Variants in BEND4 observed in about 807,000 individuals in gnomAD.
The protein encoded by BEND4 is BEN domain containing 4.
BEND4 carries 27 observed loss-of-function variants against 54.7 expected under a neutral mutation model. The observed-to-expected ratio is 0.49, with a 90% CI of 0.36 to 0.68. The LOEUF is 0.68. Among genes scored for constraint, BEND4 ranks in the 30% least tolerant of loss-of-function variants. BEND4 has a pLI of 0.00. For synonymous variants in BEND4, 327 were observed against 299.5 expected (o/e 1.09, Z -0.95); for missense variants, 702 against 697.2 (o/e 1.01, Z -0.08).
intron 2 of BEND4, among the ~76,000 whole-genome samples, chr4:42,149,919 G>A (rs1287535210): frequency 6.6e-6 from 1 of 152,132 alleles, no homozygotes; most frequent in Non-Finnish European, 1.5e-5. Flanking sequence ...GTAAAATATG[G>A]AAAGACAATC....
At chr4:42,142,153 C>CT (rs1172489141) in intron 3 of BEND4, among the ~76,000 whole-genome samples, 1 of 151,576 alleles carries the variant, frequency 6.6e-6, no homozygotes, top group African/African-American at 2.4e-5. Flanking sequence ...GATCCGCCCC[C>CT]CCTCGGCCTC....
chr4:42,142,751 G>A (rs563495803), intron 3 of BEND4, among the ~76,000 whole-genome samples: 2 of 151,286 alleles, frequency 1.3e-5, no homozygotes, highest in African/African-American at 4.8e-5. Flanking sequence ...TGAAAATCTA[G>A]TGTCTCTAAC....
rs1223361999 is a variant in BEND4 at position 42,143,444 on chromosome 4, T to C, written c.1038A>G (p.Lys346=). Residue 346 remains lysine (K), a synonymous_variant, in exon 3 of 6, where the codon AAA becomes AAG. Transcript: ENST00000502486. ...LQQENEELRR[K]LESIPVPCQT... ...GCAGGATACCTGGGATGCTCTCTAA[T>C]TTCCTTCTGAGCTCTTCATTTTCTT... 1.5e-5 allele frequency: 24 copies of C among 1,551,972 alleles called. No homozygotes were observed. Among genetic ancestry groups the C allele is most frequent in the Non-Finnish European group, 2.0e-5 (23 of 1,147,006 alleles).
chr4:42,129,426 T>C (rs1720421337), intron 3 of BEND4, among the ~76,000 whole-genome samples: 1 of 152,190 alleles, frequency 6.6e-6, no homozygotes, highest in Non-Finnish European at 1.5e-5. Flanking sequence ...AAAAAACTAC[T>C]TTCAAATTCT....
chr4:42,126,691 G>A (rs1350337852), intron 3 of BEND4, among the ~76,000 whole-genome samples: 1 of 152,146 alleles, frequency 6.6e-6, no homozygotes, highest in Admixed American at 6.5e-5. Context: ...GTCCTTTCAG[G>A]AGTAGTAACT....
chr4:42,122,431 T>C (rs1460961296), intron 4 of BEND4, among the ~76,000 whole-genome samples: 3 of 152,192 alleles, frequency 2.0e-5, no homozygotes, highest in Non-Finnish European at 2.9e-5. Flanking sequence ...CCTCACACAA[T>C]GCAGGTGCAA....
chr4:42,123,129 C>T lies in BEND4; in HGVS notation c.1146+2454G>A, dbSNP rs185221555. Among the ~76,000 whole-genome samples the T allele has an allele frequency of 1.8e-4, 28 of 152,102 alleles. 1 individual carries two copies. In the East Asian group the frequency reaches 3.3e-3, roughly 18 times the overall value. ...AAGAAAAAGAAAGCAATTTATAGCC[C>T]AAAGCACAATTCAGAATGCTCTCTG... is the stretch of plus-strand genomic sequence containing the variant. On this transcript the variant is annotated intron_variant, in intron 4 of 5. Coordinates refer to ENST00000502486, the MANE Select transcript of BEND4 (RefSeq NM_207406.4).
At position 42,143,908 on chromosome 4, in the gene BEND4, T is replaced by C. The variant is rs1315443227; in HGVS notation, c.574A>G (p.Asn192Asp). ...CAAGAAATCATGGACTGAGAATGGT[T>C]GGAGTCCAGGAGTTTTCCTCCACAA... ...LNCGGKLLDS[N>D]HSQSMISCVK... The change falls in exon 3 of 6, where the codon AAC becomes GAC. Residue 192 changes from asparagine (N) to aspartate (D), a missense_variant. Asn to Asp is a conservative substitution (Grantham distance 23). Transcript: ENST00000502486. The C allele has an allele frequency of 1.9e-6, 3 of 1,539,922 alleles. No homozygotes were observed. The East Asian group carries it at 6.7e-5, about 35-fold the overall frequency.
Position 42,116,235 on chromosome 4 carries a change from A to C in BEND4, c.*1283T>G, listed in dbSNP as rs1433642885. The C allele has an allele frequency of 6.6e-6, 1 of 152,198 alleles. No individual in the cohort carries two copies. The highest frequency in any genetic ancestry group is 1.5e-5 in the Non-Finnish European group (1 of 68,040). 9.4% of individuals were successfully genotyped at this position (152,198 alleles called of 1,614,324 possible). Reference sequence around the variant, plus strand: ...CGCTGTCCATTTAGCCCTTTGCTCTACAAAGAATGTAGTAATCTGGACTAG... The same window carrying C: ...CGCTGTCCATTTAGCCCTTTGCTCTCCAAAGAATGTAGTAATCTGGACTAG... On this transcript the variant is annotated 3_prime_UTR_variant, in exon 6 of 6. Coordinates refer to ENST00000502486, the MANE Select transcript of BEND4 (RefSeq NM_207406.4).
intron 2 of BEND4, among the ~76,000 whole-genome samples, chr4:42,146,815 T>C (rs1240396560): frequency 2.6e-5 from 4 of 152,220 alleles, no homozygotes; most frequent in Non-Finnish European, 1.5e-5. Flanking sequence ...TATGAAAGTC[T>C]AAAACAGAAC....
intron 3 of BEND4, among the ~76,000 whole-genome samples, chr4:42,127,352 C>T (rs544985547): frequency 1.8e-4 from 28 of 152,284 alleles, no homozygotes; most frequent in African/African-American, 6.5e-4. Flanking sequence ...GAAGCACTTG[C>T]TGAACAATAA....
In BEND4 at chr4:42,123,696, A is replaced by AAAAAAAAAC. The variant is rs1342940607; in HGVS notation, c.1146+1886_1146+1887insGTTTTTTTT. ...ATTTACTTTGGATCTGTAATTCAGAAAAAAAAAAAAAAAAAAAAAAACAAC... is the reference window on the plus strand; with the variant it reads ...ATTTACTTTGGATCTGTAATTCAGAAAAAAAAAACAAAAAAAAAAAAAAAAAAAAACAAC... On this transcript the variant is annotated intron_variant, in intron 4 of 5. Transcript: ENST00000502486. 7.7e-3 allele frequency among the ~76,000 whole-genome samples: 867 copies of AAAAAAAAAC among 113,008 alleles called. 19 individuals carry two copies. Among genetic ancestry groups the AAAAAAAAAC allele is most frequent in the African/African-American group, 0.032 (832 of 26,342 alleles). The allele number at this position is 113,008 out of a possible 152,430, so 74.1% of individuals were successfully genotyped here. A position where few individuals can be genotyped will look rare whatever the true frequency, so the allele number is the denominator to read the frequency against.
intron 2 of BEND4, among the ~76,000 whole-genome samples, chr4:42,150,222 TAAG>T (rs1223952655): frequency 1.3e-5 from 2 of 150,544 alleles, no homozygotes; most frequent in South Asian, 2.1e-4. Flanking sequence ...AGAAAAAAAG[TAAG>T]GAGGAAAATC....
At chr4:42,134,992 C>T (rs962145024) in intron 3 of BEND4, among the ~76,000 whole-genome samples, 57 of 152,126 alleles carry the variant, frequency 3.7e-4, no homozygotes, top group African/African-American at 1.3e-3. Context: ...ACTGAGGATG[C>T]TAGAATTTAC....
chr4:42,132,941 G>A (rs977050162), intron 3 of BEND4, among the ~76,000 whole-genome samples: 5 of 152,150 alleles, frequency 3.3e-5, no homozygotes, highest in African/African-American at 9.6e-5. Flanking sequence ...CAGCTAAAAC[G>A]TACCTACTAC....
intron 2 of BEND4, chr4:42,151,216 AG>A (rs1389704517): frequency 6.5e-6 from 1 of 154,968 alleles, no homozygotes; most frequent in African/African-American, 2.4e-5. Flanking sequence ...AGTGGAGAGA[AG>A]AAGAAACAAA....
intron 3 of BEND4, among the ~76,000 whole-genome samples, chr4:42,141,911 A>T (rs1720899421): frequency 6.8e-6 from 1 of 147,626 alleles, no homozygotes; most frequent in African/African-American, 2.5e-5. Flanking sequence ...AAGCTTAAAC[A>T]TTTTTTTTTT....
At position 42,117,713 on chromosome 4, in the gene BEND4, G is replaced by C; in HGVS notation, c.1410C>G (p.Thr470=). The part of the protein sequence containing the change: ...CLREFIRMHC[T]SNPDWWMPSE... ...AGGGCATCCACCAATCGGGGTTGGA[G>C]GTACAATGCATCCTAATGAATTCTG... The change falls in exon 6 of 6, where the codon ACC becomes ACG. Residue 470 remains threonine, a synonymous_variant. Transcript: ENST00000502486. 1 of 1,605,858 alleles carries C rather than the reference G, an allele frequency of 6.2e-7. No homozygotes were observed. The highest frequency in any genetic ancestry group is 1.7e-4 in the Middle Eastern group (1 of 6,040).
chr4:42,135,529 T>C (rs1227389260), intron 3 of BEND4, among the ~76,000 whole-genome samples: 1 of 152,086 alleles, frequency 6.6e-6, no homozygotes, highest in Non-Finnish European at 1.5e-5. Flanking sequence ...TCCCAGGACT[T>C]TGGGAGGCCG....
Sources: allele counts gnomAD v4.1 joint callset (sites outside exome capture counted in the v4.1 genomes callset), GRCh38; gene constraint gnomAD v4.1.1; transcripts MANE v1.5; gene names NCBI Gene and HGNC (gene_info 2026-07-23, HGNC 2026-07-21).